TBL1XR1: variants seen among roughly 807,000 people sequenced by gnomAD.
TBL1XR1 encodes F-box-like/WD repeat-containing protein TBL1XR1.
Under a neutral mutation model 66.9 loss-of-function variants are expected in TBL1XR1, and 5 were observed. The observed-to-expected ratio is 0.07, with a 90% CI of 0.04 to 0.16. The LOEUF (loss-of-function observed/expected upper bound fraction) is 0.16. TBL1XR1 is among the 10% of genes least tolerant of loss of function. The pLI, the probability that TBL1XR1 is intolerant of heterozygous loss-of-function variation, is 1.00. For synonymous variants in TBL1XR1, 210 were observed against 206.0 expected (o/e 1.02, Z -0.17); for missense variants, 238 against 623.2 (o/e 0.38, Z 6.58).
rs1388575709 is a variant in TBL1XR1 at position 177,020,928 on chromosome 3, G to GT, written c.*4569dup. 3 of 152,078 alleles carry GT rather than the reference G, an allele frequency of 2.0e-5. No homozygotes were observed. Among genetic ancestry groups the GT allele is most frequent in the African/African-American group, 7.2e-5 (3 of 41,422 alleles). The allele number at this position is 152,078 out of a possible 1,614,324, so 9.4% of individuals were successfully genotyped here. On this transcript the variant is annotated 3_prime_UTR_variant, in exon 16 of 16. Coordinates refer to ENST00000457928, the MANE Select transcript of TBL1XR1 (RefSeq NM_024665.7). ...TTGTGATGTGGAACTAAAATACGTC[G>GT]TAAGTGTAATTAACATGGTCCAGGA... is the stretch of plus-strand genomic sequence containing the variant.
intron 1 of TBL1XR1, among the ~76,000 whole-genome samples, chr3:177,176,361 T>C (rs922283454): frequency 1.3e-5 from 2 of 151,230 alleles, no homozygotes; most frequent in Non-Finnish European, 3.0e-5. Context: ...CATGCCTGGC[T>C]AATTTTTGTA....
At chr3:177,139,532 C>G (rs1325187809) in intron 1 of TBL1XR1, among the ~76,000 whole-genome samples, 1 of 93,282 alleles carries the variant, frequency 1.1e-5, no homozygotes, top group Non-Finnish European at 2.2e-5. Flanking sequence ...AAGACTCCAT[C>G]TCGGGGGGAA....
At chr3:177,168,243 G>A (rs1194459391) in intron 1 of TBL1XR1, among the ~76,000 whole-genome samples, 1 of 150,788 alleles carries the variant, frequency 6.6e-6, no homozygotes, top group Non-Finnish European at 1.5e-5. Flanking sequence ...ACTACTTGAA[G>A]TTAAAAAGAA....
intron 1 of TBL1XR1, among the ~76,000 whole-genome samples, chr3:177,127,878 CA>C (rs1577247370): frequency 1.3e-5 from 2 of 152,102 alleles, no homozygotes; most frequent in East Asian, 3.8e-4. Flanking sequence ...AAAACTTGGT[CA>C]AGATATTAAA....
At chr3:177,109,541 A>G (rs190948833) in intron 1 of TBL1XR1, among the ~76,000 whole-genome samples, 13 of 152,250 alleles carry the variant, frequency 8.5e-5, no homozygotes, top group Non-Finnish European at 1.0e-4. Context: ...AATTGTAATT[A>G]ACCTTTCTAC....
chr3:177,027,609 G>A (rs1015306476), intron 14 of TBL1XR1: 1 of 133,692 alleles, frequency 7.5e-6, no homozygotes, highest in African/African-American at 2.8e-5. Context: ...AGAGGTGGCA[G>A]ATCTACTTAA....
At chr3:177,120,958 A>G (rs1435507598) in intron 1 of TBL1XR1, among the ~76,000 whole-genome samples, 1 of 152,220 alleles carries the variant, frequency 6.6e-6, no homozygotes, top group Admixed American at 6.5e-5. Context: ...TTATACAATT[A>G]TTATACAGCT....
intron 1 of TBL1XR1, 60 bp downstream of exon 1, chr3:177,197,061 C>T (rs1306363812): frequency 1.3e-5 from 2 of 151,840 alleles, no homozygotes; most frequent in South Asian, 4.0e-4. Context: ...GCCTCTGGCC[C>T]GCGCCCCCCG....
Position 177,021,556 on chromosome 3 carries a change from GT to G in TBL1XR1, c.*3941del, listed in dbSNP as rs149790366. 1 of 152,410 alleles carries G rather than the reference GT, an allele frequency of 6.6e-6. No homozygotes were observed. The highest frequency in any genetic ancestry group is 1.5e-5 in the Non-Finnish European group (1 of 67,964). The allele number at this position is 152,410 out of a possible 1,614,324, so 9.4% of individuals were successfully genotyped here. On this transcript the variant is annotated 3_prime_UTR_variant, in exon 16 of 16. Coordinates refer to ENST00000457928, the MANE Select transcript of TBL1XR1 (RefSeq NM_024665.7). ...CTCTTCTACATTTAACTAGAATCAT[GT>G]TTAAAAAAAACTGATATTAAATGTG...
chr3:177,109,439 T>G (rs1484087975), intron 1 of TBL1XR1, among the ~76,000 whole-genome samples: 1 of 152,170 alleles, frequency 6.6e-6, no homozygotes, highest in Non-Finnish European at 1.5e-5. Context: ...TTTTGTATTT[T>G]GGGATGATTG....
chr3:177,074,096 G>GCTGC (rs1196862901), intron 2 of TBL1XR1, among the ~76,000 whole-genome samples: 1 of 152,182 alleles, frequency 6.6e-6, no homozygotes, highest in Non-Finnish European at 1.5e-5. Flanking sequence ...GGAATAAAGG[G>GCTGC]AGCAGGGCTA....
In TBL1XR1 at chr3:177,197,222, A is replaced by C. The variant is rs1197070868; in HGVS notation, c.-223T>G. On this transcript the variant is annotated 5_prime_UTR_variant, in exon 1 of 16. Coordinates refer to ENST00000457928, the MANE Select transcript of TBL1XR1 (RefSeq NM_024665.7). ...CCGCCACCGCCTCCAACCACCCCCAAAATAACCCCTCCGGGGGGTGAGAGG... is the reference window on the plus strand; with the variant it reads ...CCGCCACCGCCTCCAACCACCCCCACAATAACCCCTCCGGGGGGTGAGAGG... The C allele has an allele frequency of 1.3e-5, 2 of 152,458 alleles. No individual in the cohort carries two copies. Among genetic ancestry groups the C allele is most frequent in the Non-Finnish European group, 2.9e-5 (2 of 68,142 alleles). The allele number at this position is 152,458 out of a possible 1,614,324, so 9.4% of individuals were successfully genotyped here.
At chr3:177,126,885 T>C (rs1469505489) in intron 1 of TBL1XR1, among the ~76,000 whole-genome samples, 1 of 151,760 alleles carries the variant, frequency 6.6e-6, no homozygotes, top group Non-Finnish European at 1.5e-5. Context: ...TTCAAGTGAC[T>C]GTACATAATG....
intron 1 of TBL1XR1, among the ~76,000 whole-genome samples, chr3:177,111,566 C>T (rs1344652054): frequency 6.6e-6 from 1 of 152,012 alleles, no homozygotes; most frequent in African/African-American, 2.4e-5. Context: ...ACCCTAACTG[C>T]TGAGATTACA....
intron 1 of TBL1XR1, among the ~76,000 whole-genome samples, chr3:177,136,473 T>C (rs969587027): frequency 1.3e-5 from 2 of 152,052 alleles, no homozygotes; most frequent in Admixed American, 6.6e-5. Context: ...AGAGACAGGG[T>C]TTCACCACGT....
At chr3:177,146,900 C>T (rs1169517000) in intron 1 of TBL1XR1, among the ~76,000 whole-genome samples, 1 of 152,078 alleles carries the variant, frequency 6.6e-6, no homozygotes, top group African/African-American at 2.4e-5. Context: ...CAAGAGTTTT[C>T]CCTCTGAAAC....
chr3:177,166,062 C>A (rs536902105), intron 1 of TBL1XR1, among the ~76,000 whole-genome samples: 65 of 152,168 alleles, frequency 4.3e-4, no homozygotes, highest in African/African-American at 1.5e-3. Flanking sequence ...TGCACTCCAG[C>A]CTGGGCAACA....
chr3:177,099,635 C>T lies in TBL1XR1; in HGVS notation c.-121-1094G>A, dbSNP rs550833073. On this transcript the variant is annotated intron_variant, in intron 1 of 15. Transcript: ENST00000457928. ...CTGGTGCTTCAAAACAGGGCGTGGG[C>T]GTGAGCCCCCAAGGTTTGTTGCCTA... Among the ~76,000 whole-genome samples the T allele has an allele frequency of 3.9e-5, 6 of 152,332 alleles. No individual in the cohort carries two copies. The East Asian group carries it at 9.7e-4, about 25-fold the overall frequency.
intron 1 of TBL1XR1, among the ~76,000 whole-genome samples, chr3:177,185,091 T>C (rs1735248941): frequency 1.3e-5 from 2 of 152,238 alleles, no homozygotes; most frequent in South Asian, 2.1e-4. Flanking sequence ...TTTTTCAAAA[T>C]GGTAATAAGA....
Sources: allele counts gnomAD v4.1 joint callset (sites outside exome capture counted in the v4.1 genomes callset), GRCh38; gene constraint gnomAD v4.1.1; transcripts MANE v1.5; gene names NCBI Gene and HGNC (gene_info 2026-07-23, HGNC 2026-07-21).